The following ROBO1 variants were observed in gnomAD, a reference collection of about 807,000 sequenced individuals.
ROBO1 encodes roundabout homolog 1.
ROBO1 carries 149 observed loss-of-function variants against 195.9 expected under a neutral mutation model. The observed-to-expected ratio is 0.76, with a 90% CI of 0.67 to 0.87. The LOEUF (loss-of-function observed/expected upper bound fraction) is 0.87. Ranked by LOEUF, ROBO1 falls within the 40% of genes least tolerant of loss-of-function variation. The probability of loss-of-function intolerance (pLI) is 0.00; values close to 1 mark genes in which losing one functional copy is unlikely to be tolerated. For synonymous variants in ROBO1, 816 were observed against 733.2 expected (o/e 1.11, Z -1.82); for missense variants, 1,933 against 2,068.3 (o/e 0.93, Z 1.27).
chr3:79,719,649 G>A (rs1233140253), intron 1 of ROBO1, among the ~76,000 whole-genome samples: 2 of 152,038 alleles, frequency 1.3e-5, no homozygotes, highest in Non-Finnish European at 2.9e-5. Flanking sequence ...AGGTTATGTC[G>A]CTTTCATATC....
chr3:78,799,562 C>T lies in ROBO1; in HGVS notation c.500-52662G>A, dbSNP rs559919138. On this transcript the variant is annotated intron_variant, in intron 4 of 30. Transcript: ENST00000464233. ...TTCACCGTGTTAGCCAGGATGGTCT[C>T]GATCTCCTGACCTCGTGATCCACCC... Among the ~76,000 whole-genome samples the T allele has an allele frequency of 2.6e-3, 394 of 152,100 alleles. 1 individual carries two copies. The highest frequency in any genetic ancestry group is 7.7e-3 in the African/African-American group (319 of 41,500).
intron 2 of ROBO1, among the ~76,000 whole-genome samples, chr3:79,567,659 A>T (rs1576037615): frequency 6.6e-6 from 1 of 152,264 alleles, no homozygotes; most frequent in East Asian, 1.9e-4. Context: ...AAAGAAATTA[A>T]CCGTACCCAT....
At chr3:79,267,721 A>G (rs1392295247) in intron 2 of ROBO1, among the ~76,000 whole-genome samples, 1 of 151,494 alleles carries the variant, frequency 6.6e-6, no homozygotes, top group Non-Finnish European at 1.5e-5. Flanking sequence ...ATGACTTTAA[A>G]GGATTTCTGT....
intron 2 of ROBO1, among the ~76,000 whole-genome samples, chr3:79,151,152 A>T (rs1349194865): frequency 6.6e-6 from 1 of 151,834 alleles, no homozygotes; most frequent in Non-Finnish European, 1.5e-5. Flanking sequence ...CTTGCCTTCC[A>T]TCATGATTGC....
chr3:79,233,274 CTA>C (rs1208329872), intron 2 of ROBO1, among the ~76,000 whole-genome samples: 2 of 151,960 alleles, frequency 1.3e-5, no homozygotes, highest in African/African-American at 4.8e-5. Context: ...GACTTTATTT[CTA>C]TCTTTGGGTG....
At chr3:79,666,343 T>A (rs1290637561) in intron 1 of ROBO1, among the ~76,000 whole-genome samples, 2 of 151,994 alleles carry the variant, frequency 1.3e-5, no homozygotes, top group Non-Finnish European at 2.9e-5. Context: ...CTCCTTCTCT[T>A]ATTTCTTGGA....
At chr3:79,646,970 A>G (rs894198483) in intron 1 of ROBO1, among the ~76,000 whole-genome samples, 1 of 152,090 alleles carries the variant, frequency 6.6e-6, no homozygotes, top group Non-Finnish European at 1.5e-5. Flanking sequence ...GTCTGATAGA[A>G]GAAATAAGAC....
intron 2 of ROBO1, among the ~76,000 whole-genome samples, chr3:79,403,401 A>C (rs1300000747): frequency 1.3e-5 from 2 of 152,044 alleles, no homozygotes; most frequent in Non-Finnish European, 2.9e-5. Flanking sequence ...TAGCAGTGAT[A>C]TATTCATCAC....
At chr3:78,668,619 T>C in intron 11 of ROBO1, 54 bp from the exon 12 acceptor site, 1 of 1,550,734 alleles carries the variant, frequency 6.4e-7, no homozygotes, top group Non-Finnish European at 8.9e-7. Context: ...CTCACTGGGC[T>C]GGAAAAGCAA....
At chr3:79,622,226 C>A (rs1945029541) in intron 1 of ROBO1, among the ~76,000 whole-genome samples, 1 of 152,198 alleles carries the variant, frequency 6.6e-6, no homozygotes, top group Non-Finnish European at 1.5e-5. Flanking sequence ...CACTCATGAA[C>A]CCACTCCACC....
At chr3:79,128,378 C>T (rs780968943) in intron 2 of ROBO1, among the ~76,000 whole-genome samples, 3 of 152,122 alleles carry the variant, frequency 2.0e-5, no homozygotes, top group Non-Finnish European at 4.4e-5. Flanking sequence ...CTGTCTGCTT[C>T]TCATTTGTGT....
chr3:79,694,617 G>A (rs1947388611), intron 1 of ROBO1, among the ~76,000 whole-genome samples: 1 of 151,754 alleles, frequency 6.6e-6, no homozygotes, highest in Non-Finnish European at 1.5e-5. Flanking sequence ...TTAAAGTAAA[G>A]TTTGAAGGGG....
At chr3:79,358,007 T>C (rs1457908347) in intron 2 of ROBO1, among the ~76,000 whole-genome samples, 4 of 152,128 alleles carry the variant, frequency 2.6e-5, no homozygotes, top group Non-Finnish European at 5.9e-5. Flanking sequence ...TTGGGGTTTG[T>C]CTGATGGTGT....
chr3:79,650,416 T>A (rs1405346259), intron 1 of ROBO1, among the ~76,000 whole-genome samples: 1 of 151,816 alleles, frequency 6.6e-6, no homozygotes. Flanking sequence ...ATAAGAATAT[T>A]GTAATTCTTT....
At chr3:79,728,513 G>T (rs1703017408) in intron 1 of ROBO1, among the ~76,000 whole-genome samples, 2 of 151,910 alleles carry the variant, frequency 1.3e-5, no homozygotes, top group South Asian at 4.2e-4. Context: ...AAGTGTAAAA[G>T]GTGAAATATT....
intron 2 of ROBO1, among the ~76,000 whole-genome samples, chr3:79,338,986 G>T (rs1292177471): frequency 6.6e-6 from 1 of 152,048 alleles, no homozygotes; most frequent in Non-Finnish European, 1.5e-5. Context: ...CACTCTTTAT[G>T]TTTGAAATCA....
At chr3:79,018,001 C>G (rs1475745242) in intron 3 of ROBO1, among the ~76,000 whole-genome samples, 3 of 152,138 alleles carry the variant, frequency 2.0e-5, no homozygotes, top group Non-Finnish European at 4.4e-5. Context: ...CACAAGCTCC[C>G]AGGGCGCACA....
At chr3:79,342,623 G>C (rs1458548393) in intron 2 of ROBO1, among the ~76,000 whole-genome samples, 1 of 152,090 alleles carries the variant, frequency 6.6e-6, no homozygotes, top group Non-Finnish European at 1.5e-5. Context: ...CCTAGTGGAA[G>C]GATTAAGAGA....
chr3:78,970,306 T>C (rs1179882589), intron 3 of ROBO1, among the ~76,000 whole-genome samples: 1 of 152,208 alleles, frequency 6.6e-6, no homozygotes, highest in Non-Finnish European at 1.5e-5. Context: ...TAATATATGT[T>C]CACATAACGA....
Sources: gnomAD v4.1 joint callset for allele counts (sites outside exome capture counted in the v4.1 genomes callset) on GRCh38, gnomAD v4.1.1 for gene constraint, MANE v1.5 for transcripts, NCBI Gene and HGNC (gene_info 2026-07-23, HGNC 2026-07-21) for gene names.